The following CDH18 variants were observed in gnomAD, a reference collection of about 807,000 sequenced individuals.
CDH18 encodes cadherin 18.
A neutral mutation model predicts 67.9 loss-of-function variants in CDH18; 31 were observed. That is an observed-to-expected ratio of 0.46 (90% CI 0.34 to 0.62). The LOEUF (loss-of-function observed/expected upper bound fraction) is 0.62, where lower values mean the gene tolerates loss of function less well. Among genes scored for constraint, CDH18 ranks in the 20% least tolerant of loss-of-function variants. The pLI is 0.01. For missense variants in CDH18, 890 were observed against 975.5 expected (o/e 0.91, Z 1.17); for synonymous variants, 362 against 347.2 (o/e 1.04, Z -0.48).
intron 3 of CDH18, among the ~76,000 whole-genome samples, chr5:19,778,197 C>T (rs960894190): frequency 5.3e-5 from 8 of 152,122 alleles, no homozygotes; most frequent in African/African-American, 1.9e-4. Context: ...ACATAATTAA[C>T]CTGAAAAAGG....
At chr5:19,979,279 G>T (rs1579922959) in intron 2 of CDH18, among the ~76,000 whole-genome samples, 1 of 151,602 alleles carries the variant, frequency 6.6e-6, no homozygotes. Flanking sequence ...ATAGTTGTAT[G>T]AAGGAATACT....
intron 2 of CDH18, among the ~76,000 whole-genome samples, chr5:20,182,597 C>CAAAAAAA (rs778083062): frequency 6.3e-5 from 3 of 47,424 alleles, no homozygotes; most frequent in Non-Finnish European, 8.5e-5. Context: ...AGCTAAATCT[C>CAAAAAAA]AAAAAAAAAA....
At chr5:19,536,070 C>A (rs1331912548) in intron 9 of CDH18, among the ~76,000 whole-genome samples, 11 of 152,174 alleles carry the variant, frequency 7.2e-5, no homozygotes, top group Non-Finnish European at 1.5e-4. Flanking sequence ...ATGTATTTAA[C>A]AAAATTTACT....
chr5:20,280,209 G>T (rs2126695791), intron 1 of CDH18, among the ~76,000 whole-genome samples: 1 of 151,192 alleles, frequency 6.6e-6, no homozygotes, highest in Admixed American at 6.6e-5. Flanking sequence ...TTTTTTTCTG[G>T]ATTCTTTTTT....
At chr5:20,222,006 C>T (rs551041713) in intron 2 of CDH18, among the ~76,000 whole-genome samples, 10 of 152,130 alleles carry the variant, frequency 6.6e-5, no homozygotes, top group South Asian at 4.1e-4. Context: ...ATGCTCAAAG[C>T]TCCAGATCAG....
chr5:19,695,796 A>G (rs559863136), intron 5 of CDH18, among the ~76,000 whole-genome samples: 8 of 152,176 alleles, frequency 5.3e-5, no homozygotes, highest in Non-Finnish European at 1.2e-4. Context: ...AAATTTCTTT[A>G]TGTGTGTGAG....
At chr5:19,496,474 G>C (rs1742344220) in intron 11 of CDH18, among the ~76,000 whole-genome samples, 1 of 152,108 alleles carries the variant, frequency 6.6e-6, no homozygotes, top group African/African-American at 2.4e-5. Flanking sequence ...GTGGTGTTTA[G>C]GTCTTGAGAG....
chr5:19,643,374 C>G (rs12522547), intron 5 of CDH18, among the ~76,000 whole-genome samples: 84,437 of 151,642 alleles, frequency 0.56, 26,634 homozygotes, highest in South Asian at 0.75. Context: ...GAGAAGATAA[C>G]TATAGTCCCA....
intron 2 of CDH18, among the ~76,000 whole-genome samples, chr5:20,024,680 A>T (rs1360003069): frequency 6.6e-6 from 1 of 152,192 alleles, no homozygotes; most frequent in Non-Finnish European, 1.5e-5. Context: ...TCAGATGAAT[A>T]AAATTCTCAT....
chr5:20,310,938 ACGACC>A (rs972539628), intron 1 of CDH18, among the ~76,000 whole-genome samples: 1 of 152,144 alleles, frequency 6.6e-6, no homozygotes, highest in African/African-American at 2.4e-5. Flanking sequence ...CTATCCAGTA[ACGACC>A]AAATATATAT....
At chr5:20,034,693 G>T (rs1306362779) in intron 2 of CDH18, among the ~76,000 whole-genome samples, 1 of 152,008 alleles carries the variant, frequency 6.6e-6, no homozygotes, top group Non-Finnish European at 1.5e-5. Flanking sequence ...TGGTTCTTAA[G>T]ACTTGGATTC....
At chr5:19,989,430 G>A (rs1035586911), upstream of CDH18, among the ~76,000 whole-genome samples, 9 of 152,146 alleles carry the variant, frequency 5.9e-5, no homozygotes, top group African/African-American at 2.2e-4. Flanking sequence ...AATCACGGCT[G>A]GGACATACCT....
At chr5:19,521,725 A>G (rs1746928052) in intron 9 of CDH18, among the ~76,000 whole-genome samples, 1 of 152,096 alleles carries the variant, frequency 6.6e-6, no homozygotes, top group African/African-American at 2.4e-5. Context: ...AAATAAATAG[A>G]AAATCTAAGT....
At chr5:20,087,628 G>A (rs1412293148) in intron 2 of CDH18, among the ~76,000 whole-genome samples, 1 of 152,106 alleles carries the variant, frequency 6.6e-6, no homozygotes, top group Non-Finnish European at 1.5e-5. Flanking sequence ...GATTACAACT[G>A]GCTAAAGGCT....
intron 1 of CDH18, among the ~76,000 whole-genome samples, chr5:20,375,342 G>T (rs957240495): frequency 2.1e-4 from 32 of 152,182 alleles, no homozygotes; most frequent in African/African-American, 7.2e-4. Context: ...ATCATATGAT[G>T]TTTGGAAAGC....
At chr5:20,003,997 A>T (rs1736675421) in intron 2 of CDH18, among the ~76,000 whole-genome samples, 2 of 152,248 alleles carry the variant, frequency 1.3e-5, no homozygotes, top group South Asian at 4.1e-4. Flanking sequence ...AACTACTTGC[A>T]TCTAATATAT....
chr5:19,583,644 A>T (rs1307844058), intron 7 of CDH18, among the ~76,000 whole-genome samples: 1 of 152,148 alleles, frequency 6.6e-6, no homozygotes, highest in Non-Finnish European at 1.5e-5. Flanking sequence ...AGGAAAAAGA[A>T]GTATTGAGGT....
intron 9 of CDH18, among the ~76,000 whole-genome samples, chr5:19,527,184 G>A (rs1317501890): frequency 2.6e-5 from 4 of 151,742 alleles, no homozygotes; most frequent in East Asian, 1.9e-4. Flanking sequence ...GCAAACAGGT[G>A]CTCAAATGAA....
Position 20,047,284 on chromosome 5 carries a change from A to G in CDH18, c.-517-55270T>C, listed in dbSNP as rs112435605. On this transcript the variant is annotated intron_variant, in intron 2 of 14. Coordinates refer to the CDH18 transcript ENST00000507958. Reference sequence around the variant, plus strand: ...TTTAGTGGTAAAAATTATATGGTGAACATCAATAAATCCTTAAGGGAAAAG... The same window carrying G: ...TTTAGTGGTAAAAATTATATGGTGAGCATCAATAAATCCTTAAGGGAAAAG... Among the ~76,000 whole-genome samples, 807 of 152,008 alleles carry G rather than the reference A, an allele frequency of 5.3e-3. 12 individuals carry two copies. Among genetic ancestry groups the G allele is most frequent in the African/African-American group, 0.019 (774 of 41,540 alleles).
Sources: gnomAD v4.1 joint callset for allele counts (sites outside exome capture counted in the v4.1 genomes callset) on GRCh38, gnomAD v4.1.1 for gene constraint, MANE v1.5 for transcripts, NCBI Gene and HGNC (gene_info 2026-07-23, HGNC 2026-07-21) for gene names.